Variants in NUP133 observed in about 807,000 individuals in gnomAD.
The protein encoded by NUP133 is nuclear pore complex protein Nup133.
In NUP133, 66 loss-of-function variants were observed where a neutral mutation model predicts 146.2. That is an observed-to-expected ratio of 0.45 (90% CI 0.37 to 0.55). NUP133 has a LOEUF of 0.55. Ranked by LOEUF, NUP133 falls within the 20% of genes least tolerant of loss-of-function variation. NUP133 has a pLI of 0.00. For missense variants in NUP133, 1,277 were observed against 1,374.8 expected (o/e 0.93, Z 1.12); for synonymous variants, 521 against 498.8 (o/e 1.04, Z -0.59).
chr1:229,452,471 A>G, intron 22 of NUP133, 54 bp downstream of exon 22: 1 of 1,414,000 alleles, frequency 7.1e-7, no homozygotes, highest in Non-Finnish European at 9.9e-7. Context: ...CCCAACAAAC[A>G]CCAAAAAGGT....
chr1:229,450,044 ATT>A (rs762006088), intron 23 of NUP133, among the ~76,000 whole-genome samples: 2 of 139,316 alleles, frequency 1.4e-5, no homozygotes, highest in African/African-American at 2.6e-5. Flanking sequence ...TACCCATCTA[ATT>A]TTTTTTTTTT....
At chr1:229,500,974 C>T in intron 3 of NUP133, 111 bp from the exon 4 acceptor site, 1 of 611,428 alleles carries the variant, frequency 1.6e-6, no homozygotes, top group Non-Finnish European at 2.9e-6. Context: ...GCTGGAAACA[C>T]CATTCTACAA....
intron 1 of NUP133, among the ~76,000 whole-genome samples, chr1:229,507,638 G>T (rs1013345631): frequency 2.0e-5 from 3 of 152,180 alleles, no homozygotes; most frequent in African/African-American, 7.2e-5. Flanking sequence ...ATTAAACAAT[G>T]ATCTTTCAGG....
chr1:229,507,050 C>A (rs1309064532), intron 1 of NUP133, among the ~76,000 whole-genome samples: 1 of 152,168 alleles, frequency 6.6e-6, no homozygotes. Context: ...GGGCTAAGGG[C>A]TTTGTTTCCT....
At chr1:229,482,616 A>G (rs1056132772) in intron 12 of NUP133, among the ~76,000 whole-genome samples, 16 of 152,200 alleles carry the variant, frequency 1.1e-4, no homozygotes, top group Non-Finnish European at 1.6e-4. Flanking sequence ...ATAAACTGAA[A>G]TCTGCATTTG....
chr1:229,486,622 ATATATTAAGCACATT>A, intron 10 of NUP133, 94 bp from the exon 11 acceptor site: 2 of 1,207,646 alleles, frequency 1.7e-6, no homozygotes, highest in Non-Finnish European at 2.3e-6. Flanking sequence ...CATCTTGATG[ATATATTAAGCACATT>A]TTTTCCTTTA....
intron 8 of NUP133, among the ~76,000 whole-genome samples, chr1:229,490,367 T>C (rs1459161147): frequency 2.0e-5 from 3 of 148,592 alleles, no homozygotes; most frequent in African/African-American, 7.5e-5. Context: ...AAACAAACTG[T>C]GGTATATCCA....
chr1:229,486,446 T>C lies in NUP133; in HGVS notation c.1425A>G (p.Ser475=). The change falls in exon 11 of 26, where the codon TCA becomes TCG. Residue 475 remains serine, a synonymous_variant. Coordinates refer to ENST00000261396, the MANE Select transcript of NUP133 (RefSeq NM_018230.3). ...CTGCCAATATAGACACATTTTCCCT[T>C]GAAGTAATAGACACCAGTCCACTGT... is the stretch of plus-strand genomic sequence containing the variant. ...SRNSGLVSIT[S]RENVSILAED... The C allele has an allele frequency of 6.2e-7, 1 of 1,610,866 alleles. No homozygotes were observed. Among genetic ancestry groups the C allele is most frequent in the Non-Finnish European group, 8.5e-7 (1 of 1,179,000 alleles).
intron 14 of NUP133, 69 bp from the exon 15 acceptor site, chr1:229,470,873 T>C (rs560813965): frequency 5.8e-5 from 84 of 1,440,462 alleles, no homozygotes; most frequent in Non-Finnish European, 8.0e-5. Context: ...ATAGCTGTAT[T>C]TTCCCCAGAA....
rs765979600 is a variant in NUP133, at chr1:229,508,143, C to G, written c.107G>C (p.Gly36Ala). Reference sequence around the variant, plus strand: ...GCTGACTGCAGACCCCAGGGGCAGACCCTTCCTGCTAGCCGTCCGGGGCGT... The same window carrying G: ...GCTGACTGCAGACCCCAGGGGCAGAGCCTTCCTGCTAGCCGTCCGGGGCGT... The part of the protein sequence containing the change: ...GSTPRTASRK[G>A]LPLGSAVSSP... The change falls in exon 1 of 26, where the codon GGT (glycine) becomes GCT (alanine). Residue 36 changes from glycine to alanine, a missense_variant. Physicochemically the swap from Gly to Ala is moderately conservative, Grantham distance 60. Transcript: ENST00000261396. The G allele has an allele frequency of 1.9e-6, 3 of 1,597,006 alleles. No homozygotes were observed. Among genetic ancestry groups the G allele is most frequent in the African/African-American group, 2.7e-5 (2 of 73,974 alleles).
intron 12 of NUP133, 106 bp from the exon 13 acceptor site, chr1:229,477,866 C>T (rs553607275): frequency 4.2e-5 from 34 of 800,388 alleles, no homozygotes; most frequent in Admixed American, 1.1e-4. Context: ...AAAAAGAATG[C>T]GATCCTGTCA....
chr1:229,499,752 C>A lies in NUP133; in HGVS notation c.580G>T (p.Asp194Tyr), dbSNP rs530652236. 56 of 1,614,022 alleles carry A rather than the reference C, an allele frequency of 3.5e-5. No individual in the cohort carries two copies. Among genetic ancestry groups the A allele is most frequent in the Non-Finnish European group, 4.7e-5 (55 of 1,179,988 alleles). The change falls in exon 5 of 26, where the codon GAT (aspartate) becomes TAT (tyrosine). Residue 194 changes from aspartate to tyrosine, a missense_variant. Asp to Tyr is a radical substitution (Grantham distance 160). Around this residue, in one of 3 missense-constraint regions of NUP133, gnomAD observed 319 missense variants for 306.9 expected, o/e 1.04. Transcript: ENST00000261396. ...IRYWPSLAGE[D>Y]TYTEAFVDSG... The stretch of plus-strand genomic sequence containing the variant: ...TCTACAAAAGCCTCTGTGTAGGTAT[C>A]TTCACCAGCAAGGCTTGGCCAATAG...
intron 4 of NUP133, 78 bp from the exon 5 acceptor site, chr1:229,499,896 A>T (rs1264141454): frequency 4.1e-6 from 6 of 1,479,384 alleles, no homozygotes; most frequent in African/African-American, 1.4e-5. Flanking sequence ...GCAATGATAC[A>T]AAGAAACAGG....
In NUP133 at chr1:229,480,049, G is replaced by C. The variant is rs527876597; in HGVS notation, c.1593-2289C>G. 7.6e-4 allele frequency among the ~76,000 whole-genome samples: 115 copies of C among 152,150 alleles called. 1 individual carries two copies. Among genetic ancestry groups the C allele is most frequent in the African/African-American group, 2.6e-3 (110 of 41,572 alleles). ...GGATGTAGTCTTAAGTGAAGCAGGA[G>C]AGAGTGGCCTTCAAAACAAAGAGCA... On this transcript the variant is annotated intron_variant, in intron 12 of 25. Coordinates refer to ENST00000261396, the MANE Select transcript of NUP133 (RefSeq NM_018230.3).
chr1:229,463,223 T>C (rs1401820492), intron 19 of NUP133, among the ~76,000 whole-genome samples: 1 of 152,060 alleles, frequency 6.6e-6, no homozygotes, highest in African/African-American at 2.4e-5. Flanking sequence ...ACTTTGTCTC[T>C]ACTGAAAAAT....
chr1:229,442,222 T>A (rs1041601710), intron 25 of NUP133, among the ~76,000 whole-genome samples, 182 bp from the exon 26 acceptor site: 1 of 152,258 alleles, frequency 6.6e-6, no homozygotes, highest in Non-Finnish European at 1.5e-5. Flanking sequence ...AACAATGTGA[T>A]ATCCTTTACA....
At chr1:229,449,402 C>G (rs1233668610) in intron 23 of NUP133, among the ~76,000 whole-genome samples, 1 of 146,506 alleles carries the variant, frequency 6.8e-6, no homozygotes, top group Non-Finnish European at 1.5e-5. Flanking sequence ...GAGTCTCGCT[C>G]TGTCGCCCAA....
At position 229,441,479 on chromosome 1, in the gene NUP133, A is replaced by G. The variant is rs570152634; in HGVS notation, c.*425T>C. The G allele has an allele frequency of 4.3e-4, 229 of 531,360 alleles. 3 individuals carry two copies. The highest frequency in any genetic ancestry group is 3.1e-3 in the South Asian group (220 of 70,808). 32.9% of individuals were successfully genotyped at this position (531,360 alleles called of 1,614,324 possible). ...TTCCCATTAGCCCTAACTGAAACAG[A>G]TATCAAACACCCTAGATTCTCTTCA... is the stretch of plus-strand genomic sequence containing the variant. On this transcript the variant is annotated 3_prime_UTR_variant, in exon 26 of 26. Transcript: ENST00000261396.
At chr1:229,498,663 C>A (rs1355080782) in intron 5 of NUP133, among the ~76,000 whole-genome samples, 1 of 148,904 alleles carries the variant, frequency 6.7e-6, no homozygotes, top group Non-Finnish European at 1.5e-5. Flanking sequence ...GGCAGAGGCA[C>A]AAGAATTGCT....
Sources: allele counts gnomAD v4.1 joint callset (sites outside exome capture counted in the v4.1 genomes callset), GRCh38; gene constraint gnomAD v4.1.1; regional missense constraint gnomAD v4.1.1; transcripts MANE v1.5; gene names NCBI Gene and HGNC (gene_info 2026-07-23, HGNC 2026-07-21).